The following PRKAR2A variants were observed in gnomAD, a reference collection of about 807,000 sequenced individuals.
The protein encoded by PRKAR2A is protein kinase cAMP-dependent type II regulatory subunit alpha, also known as cAMP-dependent protein kinase type II-alpha regulatory subunit.
In PRKAR2A, 29 loss-of-function variants were observed where a neutral mutation model predicts 51.9. The observed-to-expected ratio is 0.56, with a 90% CI of 0.42 to 0.76. The LOEUF is 0.76. PRKAR2A is among the 30% of genes least tolerant of loss of function. PRKAR2A has a pLI of 0.00. For synonymous variants in PRKAR2A, 178 were observed against 186.2 expected (o/e 0.96, Z 0.36); for missense variants, 445 against 512.1 (o/e 0.87, Z 1.26).
chr3:48,772,342 G>A (rs1384950862), intron 6 of PRKAR2A, among the ~76,000 whole-genome samples: 1 of 151,834 alleles, frequency 6.6e-6, no homozygotes, highest in Non-Finnish European at 1.5e-5. Context: ...CGCCTCCTGG[G>A]ACTACAGGCG....
intron 1 of PRKAR2A, among the ~76,000 whole-genome samples, chr3:48,829,883 T>A (rs2083158648): frequency 9.6e-6 from 1 of 104,444 alleles, no homozygotes; most frequent in Non-Finnish European, 2.1e-5. Flanking sequence ...TTTTTTTTTT[T>A]TTTTAAGCTT....
At chr3:48,758,561 C>T (rs1305756782) in intron 8 of PRKAR2A, among the ~76,000 whole-genome samples, 13 of 133,042 alleles carry the variant, frequency 9.8e-5, no homozygotes, top group Admixed American at 8.7e-4. Context: ...CCAGCCTGGG[C>T]GACAGAGCAA....
intron 2 of PRKAR2A, among the ~76,000 whole-genome samples, chr3:48,796,755 G>T (rs541438970): frequency 2.0e-5 from 3 of 149,682 alleles, no homozygotes; most frequent in South Asian, 2.1e-4. Context: ...CTCCCAAAGT[G>T]TTGAGATTAC....
At chr3:48,754,914 C>CAA (rs969190943) in intron 9 of PRKAR2A, among the ~76,000 whole-genome samples, 5 of 104,650 alleles carry the variant, frequency 4.8e-5, no homozygotes, top group African/African-American at 1.4e-4. Context: ...AAGACTCACT[C>CAA]AAAAAAAAAA....
intron 1 of PRKAR2A, among the ~76,000 whole-genome samples, chr3:48,818,803 G>C (rs1034937358): frequency 3.3e-5 from 5 of 152,156 alleles, no homozygotes; most frequent in Middle Eastern, 3.4e-3. Flanking sequence ...AATTCAATAA[G>C]GGTAGTACTA....
chr3:48,791,592 C>CAAA (rs35978535), intron 3 of PRKAR2A, among the ~76,000 whole-genome samples: 142 of 41,448 alleles, frequency 3.4e-3, no homozygotes, highest in Admixed American at 4.2e-3. Flanking sequence ...GATTCCGTCT[C>CAAA]AAAAAAAAAA....
intron 8 of PRKAR2A, among the ~76,000 whole-genome samples, chr3:48,763,732 A>G (rs2081897422): frequency 6.6e-6 from 1 of 152,096 alleles, no homozygotes; most frequent in African/African-American, 2.4e-5. Flanking sequence ...GCATTTCCTC[A>G]ATGAAACCAT....
At chr3:48,839,973 T>A (rs2083350216) in intron 1 of PRKAR2A, among the ~76,000 whole-genome samples, 1 of 152,180 alleles carries the variant, frequency 6.6e-6, no homozygotes, top group South Asian at 2.1e-4. Flanking sequence ...TTCAGAACTT[T>A]TTCATTATCC....
intron 1 of PRKAR2A, among the ~76,000 whole-genome samples, chr3:48,815,927 G>A (rs2082867231): frequency 6.7e-6 from 1 of 149,710 alleles, no homozygotes; most frequent in Non-Finnish European, 1.5e-5. Context: ...GCTGAGGCAG[G>A]AGAATCGCTT....
rs1391310235 is a variant in PRKAR2A, at chr3:48,794,192, C to T, written c.299-143G>A. The stretch of plus-strand genomic sequence containing the variant: ...TTGAGACAGAGTTTTGCTCTTGTTG[C>T]CCAGGCTGGAGTACAGTGGCACAAT... On this transcript the variant is annotated intron_variant, in intron 2 of 10. Transcript: ENST00000265563. 1.0e-4 allele frequency: 67 copies of T among 640,570 alleles called. No homozygotes were observed. The African/African-American group carries it at 1.1e-3, about 11-fold the overall frequency. 39.7% of individuals were successfully genotyped at this position (640,570 alleles called of 1,614,324 possible).
intron 9 of PRKAR2A, among the ~76,000 whole-genome samples, chr3:48,753,577 T>C (rs561380672): frequency 6.6e-6 from 1 of 152,258 alleles, no homozygotes; most frequent in African/African-American, 2.4e-5. Flanking sequence ...TTCTCTGGAG[T>C]TGCAGCCATA....
At chr3:48,793,761 G>A (rs941876161) in intron 3 of PRKAR2A, among the ~76,000 whole-genome samples, 3 of 149,266 alleles carry the variant, frequency 2.0e-5, no homozygotes, top group Non-Finnish European at 3.0e-5. Flanking sequence ...CAAAGTGTTC[G>A]GATTACAGGT....
chr3:48,841,499 C>T (rs1245203247), intron 1 of PRKAR2A, among the ~76,000 whole-genome samples: 2 of 148,972 alleles, frequency 1.3e-5, no homozygotes, highest in African/African-American at 5.0e-5. Context: ...AACCAAGATC[C>T]CGCCACTACA....
intron 1 of PRKAR2A, among the ~76,000 whole-genome samples, chr3:48,820,274 A>G (rs2082940789): frequency 6.6e-6 from 1 of 152,214 alleles, no homozygotes. Flanking sequence ...TAATAATAGT[A>G]TCACCAATGG....
intron 6 of PRKAR2A, among the ~76,000 whole-genome samples, chr3:48,771,185 G>T (rs1172137948): frequency 6.6e-6 from 1 of 151,760 alleles, no homozygotes; most frequent in African/African-American, 2.4e-5. Flanking sequence ...AGTGAGCCAA[G>T]ATCATCTCAA....
chr3:48,770,741 A>C (rs2082017932), intron 6 of PRKAR2A, among the ~76,000 whole-genome samples: 1 of 152,204 alleles, frequency 6.6e-6, no homozygotes, highest in Non-Finnish European at 1.5e-5. Context: ...AAGGGTGGTG[A>C]GTAGCACCAT....
At chr3:48,828,727 AAAG>A (rs1395526426) in intron 1 of PRKAR2A, among the ~76,000 whole-genome samples, 17 of 150,698 alleles carry the variant, frequency 1.1e-4, no homozygotes, top group African/African-American at 3.6e-4. Context: ...AAAAAAAAAA[AAAG>A]AAAGAAAGAA....
intron 1 of PRKAR2A, among the ~76,000 whole-genome samples, chr3:48,825,601 G>A (rs1183721468): frequency 2.0e-5 from 3 of 152,062 alleles, no homozygotes; most frequent in Middle Eastern, 6.8e-3. Context: ...CCAAGACTGC[G>A]CCACTGTGCT....
chr3:48,803,396 T>C lies in PRKAR2A; in HGVS notation c.298+4253A>G, dbSNP rs530505224. Among the ~76,000 whole-genome samples, 63 of 152,258 alleles carry C rather than the reference T, an allele frequency of 4.1e-4. 1 individual carries two copies. In the South Asian group the frequency reaches 9.9e-3, roughly 24 times the overall value. On this transcript the variant is annotated intron_variant, in intron 2 of 10. Transcript: ENST00000265563. ...ATGCACTCTAGCCCAGCCTGGGCAA[T>C]AGAAGGAGACACTGTCTTTCTTATT...
Sources: allele counts gnomAD v4.1 joint callset (sites outside exome capture counted in the v4.1 genomes callset), GRCh38; gene constraint gnomAD v4.1.1; transcripts MANE v1.5; gene names NCBI Gene and HGNC (gene_info 2026-07-23, HGNC 2026-07-21).